The following TRIM5 variants were observed in gnomAD, a reference collection of about 807,000 sequenced individuals.
TRIM5 encodes the protein tripartite motif containing 5.
A neutral mutation model predicts 35.6 loss-of-function variants in TRIM5; 31 were observed. The ratio of observed to expected loss-of-function variants is 0.87; its 90% CI spans 0.65 to 1.18. The LOEUF (loss-of-function observed/expected upper bound fraction) is 1.18, where lower values mean the gene tolerates loss of function less well. TRIM5 is among the 50% of genes most tolerant of loss of function. The pLI is 0.00. For synonymous variants in TRIM5, 243 were observed against 215.6 expected, an observed-to-expected ratio of 1.13 and a Z score of -1.11; for missense variants, 609 against 591.6, an observed-to-expected ratio of 1.03 and a Z score of -0.31.
At chr11:5,610,731 C>T in the TRIM5 span, 2 of 1,596,104 alleles carry the variant, frequency 1.3e-6, no homozygotes, top group African/African-American at 1.3e-5. Flanking sequence ...CATAACGAGA[C>T]CCATGTCCCC....
At chr11:5,682,743 A>G (rs997938765) in intron 1 of TRIM5, among the ~76,000 whole-genome samples, 7 of 152,104 alleles carry the variant, frequency 4.6e-5, no homozygotes, top group South Asian at 2.1e-4. Flanking sequence ...AATCTCCACC[A>G]TTTTGTGTGC....
chr11:5,664,212 A>AAAAAAAAAG lies in TRIM5; in HGVS notation c.*596_*597insCTTTTTTTT, dbSNP rs1850958811. On this transcript the variant is annotated 3_prime_UTR_variant, in exon 8 of 8. Transcript: ENST00000380034. ...GCAAAACTTCATCTCAAAAAAAAAA[A>AAAAAAAAAG]AAAAGAAAAAAGAAAAGAAAAGGAA... 9 of 977,654 alleles carry AAAAAAAAAG rather than the reference A, an allele frequency of 9.2e-6. No homozygotes were observed. Among genetic ancestry groups the AAAAAAAAAG allele is most frequent in the African/African-American group, 1.8e-5 (1 of 57,028 alleles). 60.6% of individuals were successfully genotyped at this position (977,654 alleles called of 1,614,324 possible). A position where few individuals can be genotyped will look rare whatever the true frequency, so the allele number is the denominator to read the frequency against.
At chr11:5,657,541 AT>A in the TRIM5 span, among the ~76,000 whole-genome samples, 2 of 124,026 alleles carry the variant, frequency 1.6e-5, no homozygotes, top group African/African-American at 3.5e-5. Flanking sequence ...TTATTTATAT[AT>A]TATATATAAT....
the TRIM5 span, chr11:5,655,785 T>C: frequency 1.2e-5 from 9 of 749,928 alleles, no homozygotes; most frequent in Non-Finnish European, 1.3e-5. Flanking sequence ...TTTTAATTAA[T>C]TGTGTAAAAA....
downstream of TRIM5, among the ~76,000 whole-genome samples, chr11:5,660,271 G>C (rs193179942): frequency 2.0e-5 from 3 of 152,212 alleles, no homozygotes; most frequent in South Asian, 6.2e-4. Flanking sequence ...CACTGCGTCC[G>C]GCTCATTCTT....
At chr11:5,665,869 C>CT in intron 6 of TRIM5, 112 bp downstream of exon 6, 1 of 1,241,642 alleles carries the variant, frequency 8.1e-7, no homozygotes. Flanking sequence ...CAGACAATAT[C>CT]TATCCTCCCC....
the TRIM5 span, chr11:5,634,975 G>A: frequency 1.8e-6 from 2 of 1,115,454 alleles, no homozygotes; most frequent in Non-Finnish European, 2.5e-6. Flanking sequence ...GTGCCGCCTT[G>A]TCGTCCATTC....
the TRIM5 span, chr11:5,642,512 G>A: frequency 3.1e-6 from 5 of 1,613,078 alleles, no homozygotes; most frequent in Non-Finnish European, 4.2e-6. Flanking sequence ...TAGAGGTGAG[G>A]AGAAGCAGAC....
the TRIM5 span, among the ~76,000 whole-genome samples, chr11:5,603,069 T>C: frequency 1.3e-5 from 2 of 152,130 alleles, no homozygotes; most frequent in Non-Finnish European, 2.9e-5. Flanking sequence ...ACTGCTTTAA[T>C]ATGGGGAGAA....
At chr11:5,643,125 A>ATATTTTTT in the TRIM5 span, 9 of 974,542 alleles carry the variant, frequency 9.2e-6, no homozygotes, top group Non-Finnish European at 9.2e-6. Context: ...ATATATATAT[A>ATATTTTTT]TTTTTTTTTT....
chr11:5,626,664 G>A, the TRIM5 span: 1 of 152,270 alleles, frequency 6.6e-6, no homozygotes, highest in African/African-American at 2.4e-5. Context: ...AAGATCACCA[G>A]AGATCAGGAG....
chr11:5,673,823 G>A (rs1165667608), intron 4 of TRIM5, among the ~76,000 whole-genome samples: 1 of 151,644 alleles, frequency 6.6e-6, no homozygotes, highest in East Asian at 1.9e-4. Context: ...TAACCCAAGA[G>A]TAAACCAAAA....
the TRIM5 span, among the ~76,000 whole-genome samples, chr11:5,628,439 C>T: frequency 1.3e-5 from 2 of 152,202 alleles, no homozygotes; most frequent in Non-Finnish European, 2.9e-5. Context: ...CCAGGGGCTA[C>T]CAGTATATCT....
chr11:5,626,519 T>C, the TRIM5 span: 1 of 152,222 alleles, frequency 6.6e-6, no homozygotes, highest in Non-Finnish European at 1.5e-5. Context: ...TTTAATGGTT[T>C]TTCCCACGGG....
At chr11:5,610,525 A>T in the TRIM5 span, 1 of 1,614,130 alleles carries the variant, frequency 6.2e-7, no homozygotes, top group South Asian at 1.1e-5. Context: ...GACTCTTTTC[A>T]TCATTACAGA....
chr11:5,666,682 A>G (rs186786658), intron 5 of TRIM5, among the ~76,000 whole-genome samples: 272 of 152,352 alleles, frequency 1.8e-3, no homozygotes, highest in Middle Eastern at 0.01. Context: ...AATTATGTGC[A>G]CTAAACTATT....
chr11:5,589,715 T>G, the TRIM5 span: 2 of 158,754 alleles, frequency 1.3e-5, no homozygotes, highest in African/African-American at 2.4e-5. Flanking sequence ...GACAGCGTGC[T>G]GGCAGTCCTC....
the TRIM5 span, chr11:5,644,359 C>G: frequency 7.5e-6 from 3 of 397,706 alleles, no homozygotes; most frequent in East Asian, 1.1e-4. Context: ...GATTTAGTGT[C>G]TGGAACATAA....
intron 4 of TRIM5, among the ~76,000 whole-genome samples, chr11:5,675,738 A>C (rs971206395): frequency 8.9e-5 from 13 of 146,628 alleles, no homozygotes; most frequent in Non-Finnish European, 1.6e-4. Context: ...TTTAGAGTAC[A>C]TGTGCACATT....
Sources: allele counts gnomAD v4.1 joint callset (sites outside exome capture counted in the v4.1 genomes callset), GRCh38; gene constraint gnomAD v4.1.1; transcripts MANE v1.5; gene names NCBI Gene and HGNC (gene_info 2026-07-23, HGNC 2026-07-21).